The following SLC25A26 variants were observed in gnomAD, a reference collection of about 807,000 sequenced individuals.
SLC25A26 encodes solute carrier family 25 member 26.
A neutral mutation model predicts 37.8 loss-of-function variants in SLC25A26; 36 were observed. The observed-to-expected ratio is 0.95, with a 90% CI of 0.73 to 1.26. The LOEUF (loss-of-function observed/expected upper bound fraction) is 1.26. SLC25A26 is among the 50% of genes most tolerant of loss of function. The pLI, the probability that SLC25A26 is intolerant of heterozygous loss-of-function variation, is 0.00. For missense variants in SLC25A26, 390 were observed against 331.1 expected, an observed-to-expected ratio of 1.18 and a Z score of -1.38; for synonymous variants, 129 against 122.5, an observed-to-expected ratio of 1.05 and a Z score of -0.35.
chr3:66,283,975 A>T (rs1399687224), intron 5 of SLC25A26, among the ~76,000 whole-genome samples: 2 of 152,172 alleles, frequency 1.3e-5, no homozygotes, highest in African/African-American at 4.8e-5. Flanking sequence ...ATATTTTCTG[A>T]TGCCACTGAA....
intron 1 of SLC25A26, among the ~76,000 whole-genome samples, chr3:66,139,125 C>T (rs1319375139): frequency 6.6e-6 from 1 of 151,334 alleles, no homozygotes; most frequent in African/African-American, 2.4e-5. Context: ...TTATGATTCT[C>T]CTGATGATCT....
intron 5 of SLC25A26, among the ~76,000 whole-genome samples, chr3:66,334,931 C>T (rs2076061121): frequency 6.6e-6 from 1 of 151,960 alleles, no homozygotes; most frequent in Non-Finnish European, 1.5e-5. Flanking sequence ...CTTATTTTTC[C>T]TACCAACTTT....
At chr3:66,245,897 C>T (rs963570526) in intron 3 of SLC25A26, among the ~76,000 whole-genome samples, 7 of 152,140 alleles carry the variant, frequency 4.6e-5, no homozygotes, top group Admixed American at 1.3e-4. Flanking sequence ...GTTGTACAAC[C>T]TTTGCCAGCG....
At chr3:66,191,151 G>A (rs2070934988) in intron 1 of SLC25A26, among the ~76,000 whole-genome samples, 2 of 152,170 alleles carry the variant, frequency 1.3e-5, no homozygotes, top group Admixed American at 1.3e-4. Context: ...TACTGTAAGG[G>A]ACAATAATAA....
At chr3:66,263,518 CT>C in intron 5 of SLC25A26, 139 bp downstream of exon 5, 1 of 639,786 alleles carries the variant, frequency 1.6e-6, no homozygotes, top group South Asian at 2.0e-5. Context: ...CGTCACTCTT[CT>C]GTTAAATTTT....
Position 66,272,485 on chromosome 3 carries a change from T to C in SLC25A26, c.453+9106T>C, listed in dbSNP as rs74905106. 4.6e-5 allele frequency among the ~76,000 whole-genome samples: 7 copies of C among 152,222 alleles called. No individual in the cohort carries two copies. The East Asian group carries it at 1.3e-3, about 29-fold the overall frequency. The stretch of plus-strand genomic sequence containing the variant: ...TTAAAAATAAATTAATTAGAGGAAA[T>C]AAGCAAGTGTAAGGAATCTGTGTTG... On this transcript the variant is annotated intron_variant, in intron 5 of 9. Transcript: ENST00000354883.
At chr3:66,297,742 G>A (rs1389119691) in intron 5 of SLC25A26, among the ~76,000 whole-genome samples, 1 of 152,186 alleles carries the variant, frequency 6.6e-6, no homozygotes, top group African/African-American at 2.4e-5. Flanking sequence ...TGGCAGAGTT[G>A]AGTAGTTGTA....
chr3:66,141,463 A>G lies in SLC25A26; in HGVS notation c.-354+7479A>G, dbSNP rs1198403505. On this transcript the variant is annotated intron_variant, in intron 1 of 10. Transcript: ENST00000676754. ...TAGAAATAGGATTGTCATGAGGATG[A>G]TAATGATGTCCTGTGTCATCTTGAT... is the stretch of plus-strand genomic sequence containing the variant. Among the ~76,000 whole-genome samples the G allele has an allele frequency of 9.9e-5, 15 of 152,078 alleles. 1 individual carries two copies. Among genetic ancestry groups the G allele is most frequent in the Non-Finnish European group, 1.5e-5 (1 of 68,034 alleles).
At chr3:66,170,699 C>CTA (rs2070482461) in intron 1 of SLC25A26, among the ~76,000 whole-genome samples, 1 of 150,972 alleles carries the variant, frequency 6.6e-6, no homozygotes. Flanking sequence ...TTCCATCCAT[C>CTA]TATAATCCCA....
At chr3:66,331,540 A>G (rs1575576961) in intron 5 of SLC25A26, among the ~76,000 whole-genome samples, 1 of 152,238 alleles carries the variant, frequency 6.6e-6, no homozygotes, top group East Asian at 1.9e-4. Context: ...TAGGTCTTTT[A>G]ATGGAATAAT....
At chr3:66,229,373 A>T (rs1249599314) in intron 1 of SLC25A26, among the ~76,000 whole-genome samples, 1 of 152,162 alleles carries the variant, frequency 6.6e-6, no homozygotes, top group Non-Finnish European at 1.5e-5. Flanking sequence ...CCAAAATTTC[A>T]TCTTGAATTG....
chr3:66,366,477 C>T (rs1479979217), intron 7 of SLC25A26, among the ~76,000 whole-genome samples: 1 of 152,182 alleles, frequency 6.6e-6, no homozygotes, highest in East Asian at 1.9e-4. Flanking sequence ...CTATTAGTAA[C>T]ACATAAAATA....
chr3:66,271,768 C>T (rs1312138544), intron 5 of SLC25A26, among the ~76,000 whole-genome samples: 1 of 152,106 alleles, frequency 6.6e-6, no homozygotes, highest in Non-Finnish European at 1.5e-5. Context: ...TCTCTAGCTT[C>T]AGCCCACATG....
intron 1 of SLC25A26, among the ~76,000 whole-genome samples, chr3:66,189,037 T>C (rs1326589204): frequency 6.6e-6 from 1 of 152,184 alleles, no homozygotes; most frequent in African/African-American, 2.4e-5. Context: ...CTCATCTAGA[T>C]ACACACATCA....
intron 1 of SLC25A26, among the ~76,000 whole-genome samples, chr3:66,208,902 A>G (rs1254209853): frequency 1.6e-5 from 2 of 126,086 alleles, no homozygotes; most frequent in Admixed American, 1.7e-4. Flanking sequence ...TTATATGGGT[A>G]TATATATATA....
At chr3:66,226,579 G>T (rs1371052169) in intron 1 of SLC25A26, among the ~76,000 whole-genome samples, 6 of 152,104 alleles carry the variant, frequency 3.9e-5, no homozygotes, top group Admixed American at 6.5e-5. Flanking sequence ...CTCCTGAGTA[G>T]CTGGGACTAG....
intron 1 of SLC25A26, among the ~76,000 whole-genome samples, chr3:66,134,362 A>T (rs2069915463): frequency 6.6e-6 from 1 of 152,192 alleles, no homozygotes; most frequent in Non-Finnish European, 1.5e-5. Context: ...TGGGTTCACT[A>T]AGTTTATCTG....
chr3:66,284,622 A>G (rs1196140040), intron 5 of SLC25A26, among the ~76,000 whole-genome samples: 1 of 152,050 alleles, frequency 6.6e-6, no homozygotes, highest in Non-Finnish European at 1.5e-5. Context: ...ATGGAATAAT[A>G]CACAGTAGTG....
intron 1 of SLC25A26, among the ~76,000 whole-genome samples, chr3:66,177,939 G>A (rs1472997172): frequency 6.6e-6 from 1 of 152,202 alleles, no homozygotes; most frequent in Non-Finnish European, 1.5e-5. Flanking sequence ...GTGGAAAGAT[G>A]AATGGCGTAA....
Sources: gnomAD v4.1 joint callset for allele counts (sites outside exome capture counted in the v4.1 genomes callset) on GRCh38, gnomAD v4.1.1 for gene constraint, MANE v1.5 for transcripts, NCBI Gene and HGNC (gene_info 2026-07-23, HGNC 2026-07-21) for gene names.